DLGAP2: variants seen among roughly 807,000 people sequenced by gnomAD.
DLGAP2 encodes disks large-associated protein 2.
Under a neutral mutation model 100.3 loss-of-function variants are expected in DLGAP2, and 26 were observed. The observed-to-expected ratio is 0.26, with a 90% CI of 0.19 to 0.36. DLGAP2 has a LOEUF of 0.36. Ranked by LOEUF, DLGAP2 falls within the 10% of genes least tolerant of loss-of-function variation. DLGAP2 has a pLI of 1.00. For synonymous variants in DLGAP2, 886 were observed against 630.1 expected (o/e 1.41, Z -6.08); for missense variants, 1,858 against 1,453.2 (o/e 1.28, Z -4.53).
chr8:904,850 G>A (rs1401585537), intron 1 of DLGAP2, among the ~76,000 whole-genome samples: 1 of 152,218 alleles, frequency 6.6e-6, no homozygotes. Context: ...TTTTAAAAGT[G>A]CCTTTGGGCA....
At chr8:1,528,368 G>T (rs1800867139) in intron 4 of DLGAP2, among the ~76,000 whole-genome samples, 1 of 152,234 alleles carries the variant, frequency 6.6e-6, no homozygotes, top group African/African-American at 2.4e-5. Flanking sequence ...TCCCACCCCA[G>T]TGCCAGGGAT....
intron 3 of DLGAP2, among the ~76,000 whole-genome samples, chr8:1,288,846 G>A (rs1288975045): frequency 6.6e-6 from 1 of 152,022 alleles, no homozygotes; most frequent in Non-Finnish European, 1.5e-5. Flanking sequence ...GTTCTGTTAG[G>A]TTCTATTACA....
At chr8:1,695,973 G>C (rs985866986) in intron 13 of DLGAP2, among the ~76,000 whole-genome samples, 6 of 152,378 alleles carry the variant, frequency 3.9e-5, no homozygotes, top group South Asian at 2.1e-4. Flanking sequence ...TCGTGTGGCT[G>C]CAGAGAAGAA....
rs752007880 is a variant in DLGAP2 at position 1,708,129 on chromosome 8, C to T, written c.*6723C>T. On this transcript the variant is annotated 3_prime_UTR_variant, in exon 15 of 15. Transcript: ENST00000637795. The stretch of plus-strand genomic sequence containing the variant: ...ACTGTAAGAAACTGTGCACCGTTTC[C>T]GCCATAACCGTCCTGTGACGATGCC... 3 of 152,136 alleles carry T rather than the reference C, an allele frequency of 2.0e-5. No homozygotes were observed. Among genetic ancestry groups the T allele is most frequent in the South Asian group, 2.1e-4 (1 of 4,834 alleles). The allele number at this position is 152,136 out of a possible 1,614,324, so 9.4% of individuals were successfully genotyped here.
chr8:814,850 CAAAA>C lies in DLGAP2; in HGVS notation c.18+77045_18+77048del, dbSNP rs34412684. ...CTGGCAACAGAGCAAGACTCCGTCT[CAAAA>C]AAAAAAAAAAAAAAAAAAAGAAATA... On this transcript the variant is annotated intron_variant, in intron 1 of 14. Transcript: ENST00000637795. Among the ~76,000 whole-genome samples, 5 of 61,890 alleles carry C rather than the reference CAAAA, an allele frequency of 8.1e-5. No individual in the cohort carries two copies. The East Asian group carries it at 2.0e-3, about 25-fold the overall frequency. 40.6% of individuals were successfully genotyped at this position (61,890 alleles called of 152,430 possible).
chr8:1,101,382 G>T (rs1008931034), intron 2 of DLGAP2, among the ~76,000 whole-genome samples: 1 of 152,184 alleles, frequency 6.6e-6, no homozygotes, highest in Non-Finnish European at 1.5e-5. Context: ...TCCGCCACAG[G>T]CTACAAAGTG....
chr8:1,046,321 C>A (rs1367916807), intron 2 of DLGAP2, among the ~76,000 whole-genome samples: 3 of 152,048 alleles, frequency 2.0e-5, no homozygotes, highest in African/African-American at 4.8e-5. Context: ...TGCATGTGAC[C>A]GAGGGCCATG....
chr8:939,297 G>A (rs1206100085), intron 2 of DLGAP2, among the ~76,000 whole-genome samples: 1 of 23,038 alleles, frequency 4.3e-5, no homozygotes, highest in Non-Finnish European at 8.2e-5. Flanking sequence ...AGTTGGAGGT[G>A]CAGACACAGG....
At chr8:1,439,461 G>A (rs1437745369) in intron 3 of DLGAP2, among the ~76,000 whole-genome samples, 1 of 152,168 alleles carries the variant, frequency 6.6e-6, no homozygotes, top group Non-Finnish European at 1.5e-5. Flanking sequence ...AGGACCTGCT[G>A]CCCAGCCTTG....
At chr8:1,116,551 T>C (rs903922160) in intron 2 of DLGAP2, among the ~76,000 whole-genome samples, 1 of 152,152 alleles carries the variant, frequency 6.6e-6, no homozygotes, top group African/African-American at 2.4e-5. Flanking sequence ...ATCCCTGCAC[T>C]TAGGGAGGCC....
chr8:1,011,920 C>G (rs1801301164), intron 2 of DLGAP2, among the ~76,000 whole-genome samples: 1 of 152,196 alleles, frequency 6.6e-6, no homozygotes, highest in Non-Finnish European at 1.5e-5. Flanking sequence ...CGAGGATGCT[C>G]TCTTGCCCTC....
chr8:1,320,658 C>CGACATT (rs1449495121), intron 3 of DLGAP2, among the ~76,000 whole-genome samples: 6 of 152,170 alleles, frequency 3.9e-5, no homozygotes, highest in Non-Finnish European at 8.8e-5. Flanking sequence ...TCCCCAAGCA[C>CGACATT]GACATTCTCA....
At chr8:1,436,002 A>C (rs1797611683) in intron 3 of DLGAP2, among the ~76,000 whole-genome samples, 2 of 152,316 alleles carry the variant, frequency 1.3e-5, no homozygotes, top group South Asian at 4.1e-4. Flanking sequence ...AGAGAGTCAA[A>C]CAGTTTTAAA....
chr8:860,367 T>G (rs945071922), intron 1 of DLGAP2, among the ~76,000 whole-genome samples: 1 of 152,256 alleles, frequency 6.6e-6, no homozygotes, highest in African/African-American at 2.4e-5. Flanking sequence ...CTGACCTGTT[T>G]GCTGCGGCTG....
At chr8:897,469 C>T (rs1798165039) in intron 1 of DLGAP2, among the ~76,000 whole-genome samples, 1 of 152,220 alleles carries the variant, frequency 6.6e-6, no homozygotes, top group Non-Finnish European at 1.5e-5. Context: ...GATGCTTCCT[C>T]ACAGTTGTAA....
chr8:788,043 GC>G (rs2132635068), intron 1 of DLGAP2, among the ~76,000 whole-genome samples: 1 of 152,322 alleles, frequency 6.6e-6, no homozygotes, highest in South Asian at 2.1e-4. Context: ...GTCTGCCCTT[GC>G]AAAGGCACAG....
intron 3 of DLGAP2, among the ~76,000 whole-genome samples, chr8:1,457,726 T>C (rs1400060205): frequency 1.3e-5 from 2 of 151,872 alleles, no homozygotes; most frequent in African/African-American, 4.8e-5. Context: ...AAGCCAAATA[T>C]TGTAGCCCCA....
chr8:1,360,265 G>C (rs146692894), intron 3 of DLGAP2, among the ~76,000 whole-genome samples: 2 of 126,416 alleles, frequency 1.6e-5, no homozygotes, highest in Non-Finnish European at 3.3e-5. Context: ...GGCTTCTCCG[G>C]GGCGGGGCTT....
rs140466264 is a variant in DLGAP2 at position 1,437,031 on chromosome 8, C to G, written c.107-64335C>G. Among the ~76,000 whole-genome samples, 384 of 150,988 alleles carry G rather than the reference C, an allele frequency of 2.5e-3. 2 individuals are homozygous for G. In the East Asian group the frequency reaches 0.031, roughly 12 times the overall value. On this transcript the variant is annotated intron_variant, in intron 3 of 14. Transcript: ENST00000637795. ...GGGCGACGCCATCCGGGTCTGCGTT[C>G]AGCCCAGGCGCGTAAGGGTGACGCC...
Sources: allele counts gnomAD v4.1 joint callset (sites outside exome capture counted in the v4.1 genomes callset), GRCh38; gene constraint gnomAD v4.1.1; transcripts MANE v1.5; gene names NCBI Gene and HGNC (gene_info 2026-07-23, HGNC 2026-07-21).